The following RBPJ variants were observed in gnomAD, a reference collection of about 807,000 sequenced individuals.
RBPJ encodes recombination signal binding protein for immunoglobulin kappa J region.
RBPJ carries 9 observed loss-of-function variants against 67.8 expected under a neutral mutation model. That is an observed-to-expected ratio of 0.13 (90% CI 0.08 to 0.23). The LOEUF (loss-of-function observed/expected upper bound fraction) is 0.23, where lower values mean the gene tolerates loss of function less well. RBPJ is among the 10% of genes least tolerant of loss of function. The pLI, the probability that RBPJ is intolerant of heterozygous loss-of-function variation, is 1.00. For synonymous variants in RBPJ, 198 were observed against 203.3 expected, an observed-to-expected ratio of 0.97 and a Z score of 0.22; for missense variants, 305 against 595.6, an observed-to-expected ratio of 0.51 and a Z score of 5.08.
chr4:26,239,251 C>A (rs910498048), intron 1 of RBPJ, among the ~76,000 whole-genome samples: 2 of 152,200 alleles, frequency 1.3e-5, no homozygotes, highest in Admixed American at 6.5e-5. Context: ...AAGTGCTTTT[C>A]ATATTTTCCA....
intron 1 of RBPJ, among the ~76,000 whole-genome samples, chr4:26,258,466 T>A (rs1720418666): frequency 6.6e-6 from 1 of 152,168 alleles, no homozygotes; most frequent in Admixed American, 6.5e-5. Flanking sequence ...ATCTCAAAGT[T>A]TACAGATGGC....
At chr4:26,276,242 C>A in intron 1 of RBPJ, among the ~76,000 whole-genome samples, 1 of 138,076 alleles carries the variant, frequency 7.2e-6, no homozygotes, top group Non-Finnish European at 1.5e-5. Flanking sequence ...GCATGCAATC[C>A]AGCTTGGGTG....
At chr4:26,295,181 G>A (rs115116095) in intron 1 of RBPJ, among the ~76,000 whole-genome samples, 1,563 of 152,134 alleles carry the variant, frequency 0.01, 31 homozygotes, top group African/African-American at 0.035. Context: ...TTCCTCCAAT[G>A]AGAATGACTT....
At chr4:26,350,093 G>A (rs764992216) in intron 1 of RBPJ, among the ~76,000 whole-genome samples, 1 of 152,142 alleles carries the variant, frequency 6.6e-6, no homozygotes, top group Non-Finnish European at 1.5e-5. Flanking sequence ...TGTCGTGTAA[G>A]ACATAATAAA....
rs74754064 is a variant in RBPJ, at chr4:26,217,425, G to A, written c.-167+53811G>A. On this transcript the variant is annotated intron_variant, in intron 1 of 4. Transcript: ENST00000512351. ...GTGGAGGTTTTAATGGCCTCTGCTT[G>A]GAATATGTGGATGTGAGGTTGCTGC... Among the ~76,000 whole-genome samples the A allele has an allele frequency of 8.6e-3, 1,309 of 152,074 alleles. 12 individuals are homozygous for A. Among genetic ancestry groups the A allele is most frequent in the African/African-American group, 0.03 (1,244 of 41,494 alleles).
chr4:26,272,851 C>A (rs957245148), intron 1 of RBPJ: 3 of 312,830 alleles, frequency 9.6e-6, no homozygotes, highest in South Asian at 2.7e-5. Flanking sequence ...CCATACATTG[C>A]GCAGAAAGCT....
At chr4:26,377,220 A>G (rs932386829) in intron 1 of RBPJ, among the ~76,000 whole-genome samples, 1 of 152,194 alleles carries the variant, frequency 6.6e-6, no homozygotes, top group African/African-American at 2.4e-5. Flanking sequence ...AAGTACATTT[A>G]TCTGTGTTTT....
At chr4:26,203,972 G>T (rs1718077034) in intron 1 of RBPJ, among the ~76,000 whole-genome samples, 1 of 152,136 alleles carries the variant, frequency 6.6e-6, no homozygotes, top group Admixed American at 6.5e-5. Flanking sequence ...AGTGACCAGG[G>T]TCTCACTCTC....
intron 1 of RBPJ, among the ~76,000 whole-genome samples, chr4:26,346,294 G>A (rs908170015): frequency 7.2e-5 from 11 of 152,160 alleles, no homozygotes; most frequent in Non-Finnish European, 1.0e-4. Flanking sequence ...TGGCGACTGC[G>A]GATGTACTGG....
intron 1 of RBPJ, among the ~76,000 whole-genome samples, chr4:26,344,990 A>C (rs1725984226): frequency 6.6e-6 from 1 of 152,238 alleles, no homozygotes. Context: ...AACATTTAAA[A>C]AATTTTGTTA....
chr4:26,284,901 G>A (rs1221678079), intron 1 of RBPJ, among the ~76,000 whole-genome samples: 1 of 151,324 alleles, frequency 6.6e-6, no homozygotes, highest in Non-Finnish European at 1.5e-5. Flanking sequence ...CTGTCACCCA[G>A]GCTGGAGTGC....
rs565165762 is a variant in RBPJ, at chr4:26,377,517, C to T, written c.21-8836C>T. Reference sequence around the variant, plus strand: ...ACTGAAATTCATAAAGGCATGTGTGCCATTTTAAAGGCAGTTCATAAGATG... The same window carrying T: ...ACTGAAATTCATAAAGGCATGTGTGTCATTTTAAAGGCAGTTCATAAGATG... On this transcript the variant is annotated intron_variant, in intron 1 of 10. Transcript: ENST00000355476. Among the ~76,000 whole-genome samples, 7 of 152,260 alleles carry T rather than the reference C, an allele frequency of 4.6e-5. No individual in the cohort carries two copies. In the South Asian group the frequency reaches 1.0e-3, roughly 23 times the overall value.
chr4:26,357,634 GTACATTCACGGTGCT>G (rs1727539130), intron 1 of RBPJ, among the ~76,000 whole-genome samples: 1 of 152,146 alleles, frequency 6.6e-6, no homozygotes, highest in Admixed American at 6.5e-5. Flanking sequence ...GTGGTAGTAA[GTACATTCACGGTGCT>G]ATGCAACTAT....
Position 26,407,551 on chromosome 4 carries a change from A to G in RBPJ, c.155+1281A>G, listed in dbSNP as rs1450498988. ...TTGGTTCCTGGAATTTTCTTTGAAT[A>G]GTTTCTTGAGTCTGTCTTTCAAACA... On this transcript the variant is annotated intron_variant, in intron 3 of 10. Transcript: ENST00000355476. 5.3e-5 allele frequency among the ~76,000 whole-genome samples: 8 copies of G among 152,320 alleles called. No homozygotes were observed. The South Asian group carries it at 1.2e-3, about 24-fold the overall frequency.
At chr4:26,109,727 C>CTA in the RBPJ span, among the ~76,000 whole-genome samples, 373 of 95,418 alleles carry the variant, frequency 3.9e-3, 25 homozygotes, top group African/African-American at 0.012. Flanking sequence ...CTCTCTCTCT[C>CTA]TCTATATATA....
the RBPJ span, among the ~76,000 whole-genome samples, chr4:26,128,523 A>G: frequency 3.3e-5 from 5 of 152,244 alleles, no homozygotes; most frequent in African/African-American, 1.2e-4. Flanking sequence ...ATTAAGAAAT[A>G]GAGGAACAGA....
At chr4:26,222,124 C>G (rs970975293) in intron 1 of RBPJ, among the ~76,000 whole-genome samples, 6 of 152,178 alleles carry the variant, frequency 3.9e-5, no homozygotes, top group Admixed American at 2.6e-4. Context: ...TATCTCAGGA[C>G]ATGTTGTAAA....
At chr4:26,149,127 G>A in the RBPJ span, among the ~76,000 whole-genome samples, 2 of 152,238 alleles carry the variant, frequency 1.3e-5, no homozygotes, top group African/African-American at 4.8e-5. Flanking sequence ...AGAAGGAAGT[G>A]AGAAGCAGTT....
chr4:26,375,758 A>C (rs1729657201), intron 1 of RBPJ, among the ~76,000 whole-genome samples: 1 of 152,214 alleles, frequency 6.6e-6, no homozygotes, highest in African/African-American at 2.4e-5. Context: ...GGACGCACAC[A>C]AAGCAGGCAC....
Sources: allele counts gnomAD v4.1 joint callset (sites outside exome capture counted in the v4.1 genomes callset), GRCh38; gene constraint gnomAD v4.1.1; transcripts MANE v1.5; gene names NCBI Gene and HGNC (gene_info 2026-07-23, HGNC 2026-07-21).